The following RBMS1 variants were observed in gnomAD, a reference collection of about 807,000 sequenced individuals.
RBMS1 encodes RNA binding motif single stranded interacting protein 1, also known as RNA-binding motif, single-stranded-interacting protein 1.
RBMS1 carries 17 observed loss-of-function variants against 62.3 expected under a neutral mutation model. The observed-to-expected ratio is 0.27, with a 90% CI of 0.19 to 0.41. RBMS1 has a LOEUF of 0.41. Among genes scored for constraint, RBMS1 ranks in the 10% least tolerant of loss-of-function variants. The pLI, the probability that RBMS1 is intolerant of heterozygous loss-of-function variation, is 1.00. For missense variants in RBMS1, 334 were observed against 504.5 expected, an observed-to-expected ratio of 0.66 and a Z score of 3.24; for synonymous variants, 172 against 170.0, an observed-to-expected ratio of 1.01 and a Z score of -0.09.
chr2:160,383,638 G>C (rs1365447592), intron 1 of RBMS1, among the ~76,000 whole-genome samples: 1 of 152,102 alleles, frequency 6.6e-6, no homozygotes, highest in African/African-American at 2.4e-5. Context: ...TCATTTATTT[G>C]TGTTATGAAT....
intron 1 of RBMS1, among the ~76,000 whole-genome samples, chr2:160,390,170 C>A (rs563407629): frequency 1.1e-4 from 16 of 152,276 alleles, no homozygotes; most frequent in Admixed American, 1.0e-3. Flanking sequence ...CACTTACACA[C>A]CCCAAGTGAG....
Position 160,274,362 on chromosome 2 carries a change from T to C in RBMS1, c.*410A>G, listed in dbSNP as rs1353330972. The C allele has an allele frequency of 6.6e-6, 1 of 151,828 alleles. No individual in the cohort carries two copies. The highest frequency in any genetic ancestry group is 1.5e-5 in the Non-Finnish European group (1 of 67,840). 9.4% of individuals were successfully genotyped at this position (151,828 alleles called of 1,614,324 possible). ...TACAGCTGGAAAAAAAAAACACAAA[T>C]TAAACACAAAATGAACAAAACCACA... is the stretch of plus-strand genomic sequence containing the variant. On this transcript the variant is annotated 3_prime_UTR_variant, in exon 14 of 14. Transcript: ENST00000348849.
intron 1 of RBMS1, among the ~76,000 whole-genome samples, chr2:160,393,550 G>A (rs1573992027): frequency 6.6e-6 from 1 of 152,072 alleles, no homozygotes; most frequent in African/African-American, 2.4e-5. Context: ...AGGCCGAGGC[G>A]GGCAGAGCAC....
chr2:160,421,215 A>G (rs1696410897), intron 1 of RBMS1, among the ~76,000 whole-genome samples: 1 of 151,784 alleles, frequency 6.6e-6, no homozygotes, highest in Admixed American at 6.6e-5. Flanking sequence ...TTACATATAT[A>G]TACCTGTGCC....
rs1688312117 is a variant in RBMS1, at chr2:160,285,172, C to T, written c.757-128G>A. ...CTGGGGAGGCTGAGGTGGGAAGATCCTTTTGAAGCCCAGGAGTTCGAGGCT... is the reference window on the plus strand; with the variant it reads ...CTGGGGAGGCTGAGGTGGGAAGATCTTTTTGAAGCCCAGGAGTTCGAGGCT... On this transcript the variant is annotated intron_variant, in intron 7 of 13. Transcript: ENST00000348849. The T allele has an allele frequency of 4.8e-6, 4 of 836,048 alleles. No individual in the cohort carries two copies. In the Admixed American group the frequency reaches 6.0e-5, roughly 12 times the overall value. The allele number at this position is 836,048 out of a possible 1,614,324, so 51.8% of individuals were successfully genotyped here. A position where few individuals can be genotyped will look rare whatever the true frequency, so the allele number is the denominator to read the frequency against.
intron 1 of RBMS1, among the ~76,000 whole-genome samples, chr2:160,461,514 C>G (rs1359472575): frequency 2.0e-5 from 3 of 152,096 alleles, no homozygotes; most frequent in Admixed American, 6.5e-5. Flanking sequence ...GTCAGCGCAA[C>G]AGTCACTGAG....
At chr2:160,355,784 C>T (rs995578668) in intron 2 of RBMS1, among the ~76,000 whole-genome samples, 3 of 152,064 alleles carry the variant, frequency 2.0e-5, no homozygotes, top group Non-Finnish European at 4.4e-5. Context: ...GCAATCACTC[C>T]CTACTTTGTA....
chr2:160,367,287 G>C lies in RBMS1; in HGVS notation c.180C>G (p.Ser60Arg). 1 of 1,614,020 alleles carries C rather than the reference G, an allele frequency of 6.2e-7. No individual in the cohort carries two copies. Among genetic ancestry groups the C allele is most frequent in the Non-Finnish European group, 8.5e-7 (1 of 1,179,996 alleles). ...GTCCTCGGATATAGAGGTTCGTTTT[G>C]CTGAGCTGATCCCATCCTGAGTTGC... ...SSSNSGWDQL[S>R]KTNLYIRGLP... is the part of the protein sequence containing the mutation. The change falls in exon 2 of 14, where the codon AGC (serine) becomes AGG (arginine). Residue 60 changes from serine (S) to arginine (R), a missense_variant. This residue lies in a region of RBMS1 where 150 missense variants were observed against 228.0 expected (regional missense o/e 0.66). Transcript: ENST00000348849.
chr2:160,297,481 A>T (rs1688998464), intron 6 of RBMS1, among the ~76,000 whole-genome samples: 2 of 152,252 alleles, frequency 1.3e-5, no homozygotes, highest in Admixed American at 1.3e-4. Context: ...GTATGGCTCA[A>T]AAGTTGTGGT....
intron 1 of RBMS1, among the ~76,000 whole-genome samples, chr2:160,484,682 T>C (rs1329107949): frequency 3.3e-5 from 5 of 150,950 alleles, no homozygotes; most frequent in Admixed American, 1.3e-4. Flanking sequence ...CCATCCTGGC[T>C]AACATGGTGA....
chr2:160,365,605 TTAAC>T (rs1443959208), intron 2 of RBMS1, among the ~76,000 whole-genome samples: 3 of 152,202 alleles, frequency 2.0e-5, no homozygotes, highest in Non-Finnish European at 4.4e-5. Context: ...TATTTTAGGG[TTAAC>T]TGTCTCCTTG....
chr2:160,335,313 G>C (rs12620161), intron 2 of RBMS1, among the ~76,000 whole-genome samples: 1 of 152,172 alleles, frequency 6.6e-6, no homozygotes, highest in Non-Finnish European at 1.5e-5. Context: ...ATATGGAGTA[G>C]CTGGGAGAAG....
chr2:160,375,526 C>T lies in RBMS1; in HGVS notation c.76-8135G>A, dbSNP rs1432556750. ...CATAGTAACTTAAGATCTATAGAGA[C>T]TGTATGTTACTTAGCAGCCTGCCAT... On this transcript the variant is annotated intron_variant, in intron 1 of 13. Coordinates refer to ENST00000348849, the MANE Select transcript of RBMS1 (RefSeq NM_016836.4). 3.3e-5 allele frequency among the ~76,000 whole-genome samples: 5 copies of T among 152,164 alleles called. No individual in the cohort carries two copies. The East Asian group carries it at 9.6e-4, about 29-fold the overall frequency.
chr2:160,279,416 T>C (rs1270598009), intron 10 of RBMS1: 3 of 152,138 alleles, frequency 2.0e-5, no homozygotes, highest in South Asian at 4.1e-4. Context: ...CTGTTAGCAA[T>C]GTCAGGGTAC....
intron 1 of RBMS1, among the ~76,000 whole-genome samples, chr2:160,368,078 TAC>T (rs1359750588): frequency 6.6e-6 from 1 of 152,180 alleles, no homozygotes; most frequent in Non-Finnish European, 1.5e-5. Context: ...AGTGTGGTTT[TAC>T]AGTCGGCAGC....
Position 160,338,487 on chromosome 2 carries a change from A to G in RBMS1, c.252-20260T>C, listed in dbSNP as rs564069789. 9.2e-5 allele frequency among the ~76,000 whole-genome samples: 14 copies of G among 152,268 alleles called. 1 individual carries two copies. The highest frequency in any genetic ancestry group is 3.4e-4 in the African/African-American group (14 of 41,566). Reference sequence around the variant, plus strand: ...TACAGTACATTCTATTGTCTATCTAAATAAGGTCTAGATGAAAGTGCACAA... The same window carrying G: ...TACAGTACATTCTATTGTCTATCTAGATAAGGTCTAGATGAAAGTGCACAA... On this transcript the variant is annotated intron_variant, in intron 2 of 13. Coordinates refer to ENST00000348849, the MANE Select transcript of RBMS1 (RefSeq NM_016836.4).
rs375947367 is a variant in RBMS1, at chr2:160,488,200, A to G, written c.75+5089T>C. Among the ~76,000 whole-genome samples, 8 of 152,284 alleles carry G rather than the reference A, an allele frequency of 5.3e-5. No homozygotes were observed. In the East Asian group the frequency reaches 1.5e-3, roughly 29 times the overall value. On this transcript the variant is annotated intron_variant, in intron 1 of 13. Transcript: ENST00000348849. ...TCTGTATCACCTAACCAAACTACCT[A>G]TGGTAGACCTCCATCGTCCCATTGC...
chr2:160,353,098 T>C (rs1692606878), intron 2 of RBMS1, among the ~76,000 whole-genome samples: 1 of 152,162 alleles, frequency 6.6e-6, no homozygotes. Flanking sequence ...GGTATGTTAC[T>C]GATACTGTTC....
intron 2 of RBMS1, among the ~76,000 whole-genome samples, chr2:160,365,511 AAT>A (rs1386152283): frequency 6.6e-6 from 1 of 152,242 alleles, no homozygotes; most frequent in Non-Finnish European, 1.5e-5. Context: ...CCACATTTGT[AAT>A]ATGATTCAGT....
Sources: gnomAD v4.1 joint callset for allele counts (sites outside exome capture counted in the v4.1 genomes callset) on GRCh38, gnomAD v4.1.1 for gene constraint, gnomAD v4.1.1 regional missense constraint, MANE v1.5 for transcripts, NCBI Gene and HGNC (gene_info 2026-07-23, HGNC 2026-07-21) for gene names.